Variants in RARB observed in about 807,000 individuals in gnomAD.
The protein encoded by RARB is HBV-activated protein.
RARB carries 17 observed loss-of-function variants against 51.9 expected under a neutral mutation model. That is an observed-to-expected ratio of 0.33 (90% CI 0.22 to 0.49). RARB has a LOEUF of 0.49. Among genes scored for constraint, RARB ranks in the 20% least tolerant of loss-of-function variants. The pLI is 0.99. For missense variants in RARB, 369 were observed against 550.8 expected, an observed-to-expected ratio of 0.67 and a Z score of 3.30; for synonymous variants, 215 against 195.4, an observed-to-expected ratio of 1.10 and a Z score of -0.84.
chr3:24,956,958 A>T (rs1196969998), intron 2 of RARB, among the ~76,000 whole-genome samples: 1 of 152,212 alleles, frequency 6.6e-6, no homozygotes, highest in Non-Finnish European at 1.5e-5. Flanking sequence ...CCTCTGAGTT[A>T]CGGAGTCGAG....
intron 5 of RARB, among the ~76,000 whole-genome samples, chr3:25,192,068 A>G (rs977174757): frequency 5.3e-5 from 8 of 152,126 alleles, no homozygotes; most frequent in African/African-American, 1.9e-4. Flanking sequence ...TTGAATGTTC[A>G]AAATCTAATA....
chr3:25,165,402 C>T (rs1193485752), intron 4 of RARB, among the ~76,000 whole-genome samples: 1 of 152,090 alleles, frequency 6.6e-6, no homozygotes, highest in African/African-American at 2.4e-5. Flanking sequence ...AACCAATCAG[C>T]AGTAAGACTC....
intron 5 of RARB, among the ~76,000 whole-genome samples, chr3:25,318,834 G>A (rs796074678): frequency 4.6e-5 from 7 of 152,178 alleles, no homozygotes; most frequent in African/African-American, 1.2e-4. Context: ...TTTCAAAAAG[G>A]TTTTGATTTT....
At chr3:25,353,366 T>C (rs1374153611) in intron 5 of RARB, among the ~76,000 whole-genome samples, 1 of 152,196 alleles carries the variant, frequency 6.6e-6, no homozygotes, top group Non-Finnish European at 1.5e-5. Flanking sequence ...TTGCTTAAAT[T>C]AATTCATAAT....
At chr3:24,873,058 C>G (rs573529425) in intron 2 of RARB, among the ~76,000 whole-genome samples, 1 of 152,186 alleles carries the variant, frequency 6.6e-6, no homozygotes, top group Non-Finnish European at 1.5e-5. Context: ...GCAGTTATAG[C>G]ACAGACAATA....
At chr3:25,415,808 G>A (rs1403696822) in intron 5 of RARB, among the ~76,000 whole-genome samples, 3 of 152,162 alleles carry the variant, frequency 2.0e-5, no homozygotes, top group Non-Finnish European at 4.4e-5. Flanking sequence ...CATTCATTCA[G>A]CAAATACTTA....
intron 5 of RARB, among the ~76,000 whole-genome samples, chr3:25,340,759 C>T (rs1416747525): frequency 6.6e-6 from 1 of 152,136 alleles, no homozygotes; most frequent in African/African-American, 2.4e-5. Context: ...TAGGTCAAAG[C>T]CTGGCAAGGA....
intron 3 of RARB, among the ~76,000 whole-genome samples, chr3:25,518,415 T>C (rs1321617619): frequency 3.9e-5 from 6 of 152,298 alleles, no homozygotes; most frequent in African/African-American, 1.4e-4. Flanking sequence ...CCACAGGTCT[T>C]TATAAAGTGA....
intron 5 of RARB, among the ~76,000 whole-genome samples, chr3:25,228,497 C>A (rs1575236114): frequency 1.3e-5 from 2 of 151,920 alleles, no homozygotes; most frequent in Non-Finnish European, 2.9e-5. Context: ...CTCTTCTCTT[C>A]TATTATCTCC....
chr3:25,569,743 C>A lies in RARB; in HGVS notation c.449-15C>A. 2 of 1,610,776 alleles carry A rather than the reference C, an allele frequency of 1.2e-6. No homozygotes were observed. The highest frequency in any genetic ancestry group is 1.7e-6 in the Non-Finnish European group (2 of 1,178,390). On this transcript the variant is annotated splice_polypyrimidine_tract_variant and intron_variant, in intron 3 of 7. Coordinates refer to ENST00000330688, the MANE Select transcript of RARB (RefSeq NM_000965.5). ...CCTTCAGCGACCCCTGATGTGCCTTCTCTCTCGTTTCCAGCTGTCAGGAAT... is the reference window on the plus strand; with the variant it reads ...CCTTCAGCGACCCCTGATGTGCCTTATCTCTCGTTTCCAGCTGTCAGGAAT...
At chr3:25,061,633 T>C (rs1698551178) in intron 3 of RARB, among the ~76,000 whole-genome samples, 1 of 151,824 alleles carries the variant, frequency 6.6e-6, no homozygotes, top group African/African-American at 2.4e-5. Context: ...GCTAGCTGCT[T>C]TATCTAAACT....
At chr3:24,855,086 G>A (rs527361301) in intron 1 of RARB, among the ~76,000 whole-genome samples, 6 of 152,242 alleles carry the variant, frequency 3.9e-5, no homozygotes, top group South Asian at 4.2e-4. Context: ...TTTGTAAGAC[G>A]GAGTGTTTTC....
At position 25,118,499 on chromosome 3, in the gene RARB, T is replaced by A. The variant is rs116797248; in HGVS notation, c.-327-13662T>A. On this transcript the variant is annotated intron_variant, in intron 3 of 11. Coordinates refer to the RARB transcript ENST00000383772. ...AGACCACTTTGTCTGAGCAAAGATA[T>A]AGCTTTGGAGGAATCCTCCATAGGT... Among the ~76,000 whole-genome samples, 471 of 152,304 alleles carry A rather than the reference T, an allele frequency of 3.1e-3. 3 individuals carry two copies. The highest frequency in any genetic ancestry group is 0.011 in the African/African-American group (446 of 41,572).
At position 25,035,121 on chromosome 3, in the gene RARB, A is replaced by AT. The variant is rs573639331; in HGVS notation, c.-379-24997dup. Among the ~76,000 whole-genome samples, 234 of 152,164 alleles carry AT rather than the reference A, an allele frequency of 1.5e-3. 1 individual carries two copies. Among genetic ancestry groups the AT allele is most frequent in the African/African-American group, 5.4e-3 (225 of 41,522 alleles). ...TCACATGTCAGGTACTGTTAACTGC[A>AT]TTTTTTTGTTTGTTATTTGAGACAG... On this transcript the variant is annotated intron_variant, in intron 2 of 11. Coordinates refer to the RARB transcript ENST00000383772.
chr3:25,428,361 TGG>T lies in RARB; in HGVS notation c.-369_-368del, dbSNP rs1248425910. The T allele has an allele frequency of 1.0e-5, 13 of 1,247,918 alleles. No homozygotes were observed. Among genetic ancestry groups the T allele is most frequent in the Middle Eastern group, 3.0e-4 (1 of 3,284 alleles). The allele number at this position is 1,247,918 out of a possible 1,614,324, so 77.3% of individuals were successfully genotyped here. On this transcript the variant is annotated 5_prime_UTR_variant, in exon 1 of 8. Transcript: ENST00000330688. ...TCCCCCATGCGAGCTGTTTGAGGAC[TGG>T]GATGCCGAGAACGCGAGCGATCCGA...
chr3:24,912,506 G>A (rs1255253389), intron 2 of RARB, among the ~76,000 whole-genome samples: 1 of 152,144 alleles, frequency 6.6e-6, no homozygotes, highest in African/African-American at 2.4e-5. Flanking sequence ...AGTACGGGTG[G>A]CCCTGTAGGG....
chr3:25,130,903 T>G (rs928562351), intron 3 of RARB, among the ~76,000 whole-genome samples: 1 of 41,974 alleles, frequency 2.4e-5, no homozygotes. Flanking sequence ...AATATCAATA[T>G]TATTGATAAT....
In RARB at chr3:25,000,940, G is replaced by T. The variant is rs567212649; in HGVS notation, c.-379-59185G>T. On this transcript the variant is annotated intron_variant, in intron 2 of 11. Coordinates refer to the RARB transcript ENST00000383772. The stretch of plus-strand genomic sequence containing the variant: ...CTCAGTTATGTGTAGTTTTCACATA[G>T]CAGTTGATACTTGGACAAAATTATG... Among the ~76,000 whole-genome samples, 11 of 152,106 alleles carry T rather than the reference G, an allele frequency of 7.2e-5. 1 individual carries two copies. The highest frequency in any genetic ancestry group is 7.2e-4 in the Admixed American group (11 of 15,254).
At chr3:25,029,309 G>C (rs773106012) in intron 2 of RARB, among the ~76,000 whole-genome samples, 39 of 152,218 alleles carry the variant, frequency 2.6e-4, no homozygotes, top group Non-Finnish European at 4.4e-4. Context: ...TCATAGGTCA[G>C]TCGTGAGAAA....
Sources: gnomAD v4.1 joint callset for allele counts (sites outside exome capture counted in the v4.1 genomes callset) on GRCh38, gnomAD v4.1.1 for gene constraint, MANE v1.5 for transcripts, NCBI Gene and HGNC (gene_info 2026-07-23, HGNC 2026-07-21) for gene names.